SPAG16: variants seen among roughly 807,000 people sequenced by gnomAD.
SPAG16 encodes the protein sperm-associated antigen 16 protein.
In SPAG16, 86 loss-of-function variants were observed where a neutral mutation model predicts 80.4. That is an observed-to-expected ratio of 1.07 (90% CI 0.90 to 1.28). The LOEUF (loss-of-function observed/expected upper bound fraction) is 1.28. Among genes scored for constraint, SPAG16 ranks in the 50% most tolerant of loss-of-function variants. SPAG16 has a pLI of 0.00. For missense variants in SPAG16, 870 were observed against 765.3 expected, an observed-to-expected ratio of 1.14 and a Z score of -1.61; for synonymous variants, 294 against 265.9, an observed-to-expected ratio of 1.11 and a Z score of -1.03.
chr2:214,029,577 C>T (rs1470301359), intron 13 of SPAG16, among the ~76,000 whole-genome samples: 3 of 151,238 alleles, frequency 2.0e-5, no homozygotes, highest in Non-Finnish European at 2.9e-5. Flanking sequence ...AGAATGATAG[C>T]AAAGAGGAAG....
intron 9 of SPAG16, among the ~76,000 whole-genome samples, chr2:213,421,719 T>A (rs944390210): frequency 6.6e-6 from 1 of 152,066 alleles, no homozygotes; most frequent in Admixed American, 6.5e-5. Flanking sequence ...ACACAGACAT[T>A]AAAACTACCA....
At position 213,642,624 on chromosome 2, in the gene SPAG16, A is replaced by AACCTCCCAGCCTACATCTCTTTT. The variant is rs1307800987; in HGVS notation, c.1070+152534_1070+152535insACCTCCCAGCCTACATCTCTTTT. Among the ~76,000 whole-genome samples the AACCTCCCAGCCTACATCTCTTTT allele has an allele frequency of 2.4e-3, 267 of 112,252 alleles. 4 individuals carry two copies. Among genetic ancestry groups the AACCTCCCAGCCTACATCTCTTTT allele is most frequent in the Admixed American group, 2.8e-3 (32 of 11,594 alleles). The allele number at this position is 112,252 out of a possible 152,430, so 73.6% of individuals were successfully genotyped here. ...AAAATGTGAAAAGAGAGACTGGTCT[A>AACCTCCCAGCCTACATCTCTTTT]CCCCGGCTAAAATGGTGAAACCCCG... On this transcript the variant is annotated intron_variant, in intron 10 of 15. Coordinates refer to ENST00000331683, the MANE Select transcript of SPAG16 (RefSeq NM_024532.5).
chr2:213,345,577 C>A (rs555721185), intron 6 of SPAG16, among the ~76,000 whole-genome samples: 3 of 129,940 alleles, frequency 2.3e-5, no homozygotes, highest in East Asian at 2.1e-4. Context: ...AGGAAGGGAT[C>A]CAGTTTCAGC....
At chr2:213,618,027 A>C (rs1574510863) in intron 10 of SPAG16, among the ~76,000 whole-genome samples, 4 of 152,146 alleles carry the variant, frequency 2.6e-5, no homozygotes, top group South Asian at 4.1e-4. Context: ...CTAGTTATTG[A>C]ATTGTTTAAT....
At chr2:214,250,914 T>A (rs540280832) in intron 15 of SPAG16, among the ~76,000 whole-genome samples, 1 of 151,158 alleles carries the variant, frequency 6.6e-6, no homozygotes, top group African/African-American at 2.4e-5. Flanking sequence ...TGTTCCACTT[T>A]ATAATGTCAG....
At chr2:213,674,749 G>A (rs1450436323) in intron 10 of SPAG16, among the ~76,000 whole-genome samples, 7 of 150,386 alleles carry the variant, frequency 4.7e-5, no homozygotes, top group Non-Finnish European at 4.4e-5. Flanking sequence ...ATTCCATGGT[G>A]TATATGTGCC....
chr2:214,018,325 GTT>G (rs1159243780), intron 13 of SPAG16, among the ~76,000 whole-genome samples: 1 of 152,014 alleles, frequency 6.6e-6, no homozygotes, highest in Non-Finnish European at 1.5e-5. Context: ...TATATACATT[GTT>G]TTTAAAAGAC....
At chr2:213,472,839 AG>A (rs1209147344) in intron 9 of SPAG16, among the ~76,000 whole-genome samples, 1 of 152,232 alleles carries the variant, frequency 6.6e-6, no homozygotes, top group Non-Finnish European at 1.5e-5. Context: ...AGTGACCATT[AG>A]TCCCCGAATT....
chr2:213,915,926 A>G (rs2077940545), intron 11 of SPAG16, among the ~76,000 whole-genome samples: 1 of 152,148 alleles, frequency 6.6e-6, no homozygotes, highest in Non-Finnish European at 1.5e-5. Flanking sequence ...TCTTTTGAGA[A>G]ATGTCTGTTC....
chr2:214,227,324 A>G (rs1211343859), intron 15 of SPAG16, among the ~76,000 whole-genome samples: 1 of 152,066 alleles, frequency 6.6e-6, no homozygotes, highest in Admixed American at 6.6e-5. Flanking sequence ...AGTATTAGAA[A>G]CAGTTTTAAT....
At chr2:213,727,390 G>A (rs534718241) in intron 10 of SPAG16, among the ~76,000 whole-genome samples, 1 of 152,072 alleles carries the variant, frequency 6.6e-6, no homozygotes. Flanking sequence ...TAAATCAATG[G>A]AGTGTGACAG....
chr2:213,850,217 T>G (rs1466091798), intron 10 of SPAG16, among the ~76,000 whole-genome samples: 1 of 152,222 alleles, frequency 6.6e-6, no homozygotes, highest in Admixed American at 6.5e-5. Context: ...TGAATAACTT[T>G]GAAGAAAATG....
At position 214,367,638 on chromosome 2, in the gene SPAG16, A is replaced by T. The variant is rs530584484; in HGVS notation, c.1721-42502A>T. Among the ~76,000 whole-genome samples the T allele has an allele frequency of 3.3e-5, 5 of 152,310 alleles. No individual in the cohort carries two copies. The South Asian group carries it at 1.0e-3, about 32-fold the overall frequency. ...TTCAGGAAACATAGATAGACTACAT[A>T]AAATAATGCCTTTACTCCCAACATA... is the stretch of plus-strand genomic sequence containing the variant. On this transcript the variant is annotated intron_variant, in intron 15 of 15. Coordinates refer to ENST00000331683, the MANE Select transcript of SPAG16 (RefSeq NM_024532.5).
intron 15 of SPAG16, among the ~76,000 whole-genome samples, chr2:214,326,904 C>T (rs1046380943): frequency 5.5e-5 from 8 of 144,312 alleles, no homozygotes; most frequent in South Asian, 2.2e-4. Context: ...GAGATTGCAC[C>T]ACTGCGCTCC....
intron 13 of SPAG16, among the ~76,000 whole-genome samples, chr2:214,095,400 A>T (rs1445285255): frequency 6.6e-6 from 1 of 152,090 alleles, no homozygotes; most frequent in Non-Finnish European, 1.5e-5. Flanking sequence ...CGTGTCTATC[A>T]TACACGGTGA....
At chr2:213,363,066 A>G (rs1228577220) in intron 7 of SPAG16, among the ~76,000 whole-genome samples, 2 of 152,220 alleles carry the variant, frequency 1.3e-5, no homozygotes, top group Non-Finnish European at 2.9e-5. Context: ...TGAAACATAA[A>G]AAGGATATTA....
At chr2:213,961,896 A>G (rs2106353504) in intron 12 of SPAG16, among the ~76,000 whole-genome samples, 1 of 152,244 alleles carries the variant, frequency 6.6e-6, no homozygotes, top group African/African-American at 2.4e-5. Context: ...TCAACCTCAT[A>G]GAATGAGTTG....
chr2:214,292,225 A>T (rs1016209502), intron 15 of SPAG16, among the ~76,000 whole-genome samples: 4 of 152,088 alleles, frequency 2.6e-5, no homozygotes, highest in African/African-American at 9.7e-5. Flanking sequence ...TATGCTGTGG[A>T]TAATTTTTGG....
chr2:214,320,696 T>C lies in SPAG16; in HGVS notation c.1721-89444T>C, dbSNP rs551452004. On this transcript the variant is annotated intron_variant, in intron 15 of 15. Transcript: ENST00000331683. The stretch of plus-strand genomic sequence containing the variant: ...GCGCCTTATAAAACCATCAGATCTC[T>C]TGAGAACTCACTCATTATCAGGAGA... Among the ~76,000 whole-genome samples, 7 of 152,240 alleles carry C rather than the reference T, an allele frequency of 4.6e-5. No homozygotes were observed. The South Asian group carries it at 1.2e-3, about 27-fold the overall frequency.
Sources: gnomAD v4.1 joint callset for allele counts (sites outside exome capture counted in the v4.1 genomes callset) on GRCh38, gnomAD v4.1.1 for gene constraint, MANE v1.5 for transcripts, NCBI Gene and HGNC (gene_info 2026-07-23, HGNC 2026-07-21) for gene names.